Variants in PPP2R5C observed in about 807,000 individuals in gnomAD.
The protein encoded by PPP2R5C is serine/threonine-protein phosphatase 2A 56 kDa regulatory subunit gamma isoform.
In PPP2R5C, 7 loss-of-function variants were observed where a neutral mutation model predicts 68.9. The ratio of observed to expected loss-of-function variants is 0.10; its 90% CI spans 0.06 to 0.19. The LOEUF (loss-of-function observed/expected upper bound fraction) is 0.19. PPP2R5C is among the 10% of genes least tolerant of loss of function. The pLI, the probability that PPP2R5C is intolerant of heterozygous loss-of-function variation, is 1.00. For synonymous variants in PPP2R5C, 210 were observed against 222.2 expected (o/e 0.95, Z 0.49); for missense variants, 348 against 641.3 (o/e 0.54, Z 4.94).
At chr14:101,875,740 G>T (rs1285136953) in intron 2 of PPP2R5C, among the ~76,000 whole-genome samples, 1 of 152,126 alleles carries the variant, frequency 6.6e-6, no homozygotes, top group Admixed American at 6.5e-5. Flanking sequence ...CTAAATTTTA[G>T]GTTAAGTTCA....
chr14:101,909,336 G>A (rs557209007), intron 10 of PPP2R5C, among the ~76,000 whole-genome samples: 42 of 152,262 alleles, frequency 2.8e-4, no homozygotes, highest in African/African-American at 1.0e-3. Flanking sequence ...GAGCAAGGTC[G>A]TTTTTGGCTA....
intron 2 of PPP2R5C, 100 bp downstream of exon 2, chr14:101,763,070 C>A (rs1023509600): frequency 7.4e-6 from 8 of 1,074,908 alleles, no homozygotes; most frequent in African/African-American, 1.6e-5. Context: ...TAAAATGTTT[C>A]CCTATGTGAG....
At chr14:101,887,675 A>C (rs1019303943) in intron 5 of PPP2R5C, among the ~76,000 whole-genome samples, 3 of 152,110 alleles carry the variant, frequency 2.0e-5, no homozygotes, top group African/African-American at 7.2e-5. Flanking sequence ...TCCTCCTAAG[A>C]GTTTGGCTTG....
upstream of PPP2R5C, among the ~76,000 whole-genome samples, chr14:101,761,399 A>G (rs1481350584): frequency 1.3e-5 from 2 of 151,590 alleles, no homozygotes; most frequent in Non-Finnish European, 2.9e-5. Flanking sequence ...AGCTCTGCTC[A>G]GCGGTCAGCC....
chr14:101,762,760 A>G, intron 1 of PPP2R5C, 145 bp from the exon 2 acceptor site: 6 of 696,146 alleles, frequency 8.6e-6, no homozygotes, highest in Non-Finnish European at 1.5e-5. Context: ...CCTAAACGGT[A>G]TGATATAGAA....
chr14:101,829,855 G>A (rs987738565), intron 1 of PPP2R5C, among the ~76,000 whole-genome samples: 3 of 152,058 alleles, frequency 2.0e-5, no homozygotes, highest in Admixed American at 2.0e-4. Flanking sequence ...CACTTTGGTT[G>A]TTGTGTCGCT....
chr14:101,881,838 C>G (rs959281654), intron 2 of PPP2R5C, among the ~76,000 whole-genome samples: 1 of 152,218 alleles, frequency 6.6e-6, no homozygotes, highest in Admixed American at 6.5e-5. Context: ...GTCTTGCACC[C>G]ACTGGATAGT....
At chr14:101,831,694 A>G (rs1398789286) in intron 1 of PPP2R5C, 1 of 691,986 alleles carries the variant, frequency 1.4e-6, no homozygotes. Context: ...TTTTCAACCA[A>G]ATGCAGATTG....
chr14:101,805,053 G>A (rs1008121855), upstream of PPP2R5C, among the ~76,000 whole-genome samples: 2 of 152,202 alleles, frequency 1.3e-5, no homozygotes, highest in Middle Eastern at 3.4e-3. Context: ...TAATGTCCTC[G>A]TGGAGAAATT....
chr14:101,889,269 G>A (rs2044703563), intron 5 of PPP2R5C, among the ~76,000 whole-genome samples: 1 of 152,136 alleles, frequency 6.6e-6, no homozygotes. Flanking sequence ...TGATGGGCAG[G>A]GATCTTTCAG....
chr14:101,886,109 A>G (rs1046678267), intron 5 of PPP2R5C, among the ~76,000 whole-genome samples: 1 of 152,038 alleles, frequency 6.6e-6, no homozygotes, highest in African/African-American at 2.4e-5. Flanking sequence ...GTGAAACCCC[A>G]TCTCTACTAA....
rs181885240 is a variant in PPP2R5C at position 101,776,079 on chromosome 14, G to A, written c.94-9939G>A. Among the ~76,000 whole-genome samples, 25 of 144,460 alleles carry A rather than the reference G, an allele frequency of 1.7e-4. 1 individual carries two copies. Among genetic ancestry groups the A allele is most frequent in the Non-Finnish European group, 4.5e-5 (3 of 67,144 alleles). 94.8% of individuals were successfully genotyped at this position (144,460 alleles called of 152,430 possible). On this transcript the variant is annotated intron_variant, in intron 2 of 14. Transcript: ENST00000328724. Reference sequence around the variant, plus strand: ...TAGAAAATGCAGCTGGTGCTCGTGTGCAGCCACTGTTCAGACACGTGGAGG... The same window carrying A: ...TAGAAAATGCAGCTGGTGCTCGTGTACAGCCACTGTTCAGACACGTGGAGG...
chr14:101,791,245 G>A (rs543812952), intron 3 of PPP2R5C, among the ~76,000 whole-genome samples: 23 of 152,320 alleles, frequency 1.5e-4, no homozygotes, highest in Admixed American at 1.4e-3. Context: ...TCTTGTGGGT[G>A]TGTAATGGTG....
chr14:101,761,013 A>G (rs962217403), upstream of PPP2R5C, among the ~76,000 whole-genome samples: 1 of 62,878 alleles, frequency 1.6e-5, no homozygotes, highest in Non-Finnish European at 2.9e-5. Context: ...AGAGAAGGGG[A>G]GGGCAGGGGA....
At chr14:101,771,900 G>A (rs533214283) in intron 2 of PPP2R5C, among the ~76,000 whole-genome samples, 27 of 152,162 alleles carry the variant, frequency 1.8e-4, no homozygotes, top group African/African-American at 5.5e-4. Context: ...GCTGCATATG[G>A]CTATTTTAAA....
At chr14:101,896,593 G>A (rs1201476526) in intron 8 of PPP2R5C, among the ~76,000 whole-genome samples, 2 of 141,324 alleles carry the variant, frequency 1.4e-5, no homozygotes, top group African/African-American at 5.3e-5. Flanking sequence ...AATTAGCCAG[G>A]CATGATGGCG....
intron 1 of PPP2R5C, among the ~76,000 whole-genome samples, chr14:101,856,238 C>A (rs910062666): frequency 1.4e-4 from 21 of 152,198 alleles, no homozygotes; most frequent in Non-Finnish European, 1.5e-5. Flanking sequence ...AGGCATCCTT[C>A]CCCCTCTGGT....
rs2046763047 is a variant in PPP2R5C, at chr14:101,917,745, G to A, written c.1327-86G>A. The A allele has an allele frequency of 6.4e-7, 1 of 1,573,144 alleles. No individual in the cohort carries two copies. Among genetic ancestry groups the A allele is most frequent in the Admixed American group, 1.7e-5 (1 of 57,706 alleles). ...CGGGAGAGGGCCCTGGGGGGCGGCAGGGGAGATGAGTCCCTAGCCAGGATG... is the reference window on the plus strand; with the variant it reads ...CGGGAGAGGGCCCTGGGGGGCGGCAAGGGAGATGAGTCCCTAGCCAGGATG... On this transcript the variant is annotated intron_variant, in intron 12 of 13. Transcript: ENST00000334743. The surrounding 1 kb of genome is among the most constrained non-coding windows in gnomAD (Gnocchi z 4.4).
At chr14:101,812,133 T>A (rs2039399174) in intron 1 of PPP2R5C, among the ~76,000 whole-genome samples, 1 of 152,216 alleles carries the variant, frequency 6.6e-6, no homozygotes, top group Non-Finnish European at 1.5e-5. Context: ...AATGTGAGAT[T>A]TAGCAAAATT....
Sources: gnomAD v4.1 joint callset for allele counts (sites outside exome capture counted in the v4.1 genomes callset) on GRCh38, gnomAD v4.1.1 for gene constraint, Gnocchi (gnomAD v3.1) non-coding constraint, MANE v1.5 for transcripts, NCBI Gene and HGNC (gene_info 2026-07-23, HGNC 2026-07-21) for gene names.